PARP12: variants seen among roughly 807,000 people sequenced by gnomAD.
PARP12 encodes the protein poly(ADP-ribose) polymerase family member 12.
PARP12 carries 59 observed loss-of-function variants against 72.4 expected under a neutral mutation model. The observed-to-expected ratio is 0.81, with a 90% CI of 0.66 to 1.01. The LOEUF (loss-of-function observed/expected upper bound fraction) is 1.01, where lower values mean the gene tolerates loss of function less well. PARP12 is among the 50% of genes least tolerant of loss of function. The probability of loss-of-function intolerance (pLI) is 0.00; values close to 1 mark genes in which losing one functional copy is unlikely to be tolerated. For missense variants in PARP12, 851 were observed against 914.0 expected (o/e 0.93, Z 0.89); for synonymous variants, 403 against 371.4 (o/e 1.09, Z -0.98).
At chr7:140,046,181 C>G (rs1424857368) in intron 5 of PARP12, among the ~76,000 whole-genome samples, 1 of 152,210 alleles carries the variant, frequency 6.6e-6, no homozygotes, top group Non-Finnish European at 1.5e-5. Flanking sequence ...ATTTAATCCT[C>G]CTAACAGGAG....
intron 9 of PARP12, 136 bp downstream of exon 9, chr7:140,028,477 T>C: frequency 5.8e-6 from 4 of 694,840 alleles, no homozygotes; most frequent in Non-Finnish European, 6.7e-6. Flanking sequence ...AAAGCCCACA[T>C]CTGTCACTGC....
intron 1 of PARP12, among the ~76,000 whole-genome samples, chr7:140,060,576 G>A (rs897615948): frequency 2.0e-5 from 3 of 152,216 alleles, no homozygotes; most frequent in Admixed American, 1.3e-4. Flanking sequence ...ACAGATTTCC[G>A]AGACAAGTCA....
intron 7 of PARP12, 131 bp downstream of exon 7, chr7:140,037,584 C>T (rs1174574347): frequency 7.7e-7 from 1 of 1,297,826 alleles, no homozygotes; most frequent in South Asian, 1.4e-5. Flanking sequence ...TACCTTGGAC[C>T]TGGTACCTTG....
intron 3 of PARP12, among the ~76,000 whole-genome samples, 193 bp downstream of exon 3, chr7:140,056,663 A>G (rs573706928): frequency 6.6e-6 from 1 of 152,316 alleles, no homozygotes; most frequent in South Asian, 2.1e-4. Context: ...GATCAAGTCT[A>G]TGATTTCAAC....
At chr7:140,061,214 G>A (rs896222595) in intron 1 of PARP12, among the ~76,000 whole-genome samples, 3 of 152,224 alleles carry the variant, frequency 2.0e-5, no homozygotes, top group African/African-American at 4.8e-5. Context: ...GGATGTGGGT[G>A]AAAGGAAATC....
chr7:140,024,121 G>GTAGAT lies in PARP12; in HGVS notation c.*438_*439insATCTA. Reference sequence around the variant, plus strand: ...CAGAGCAACAGGCAGAAGTGACTGTGCCGCCCGTGGGCTGTCATCCACCGG... The same window carrying GTAGAT: ...CAGAGCAACAGGCAGAAGTGACTGTGTAGATCCGCCCGTGGGCTGTCATCCACCGG... On this transcript the variant is annotated 3_prime_UTR_variant, in exon 12 of 12. Transcript: ENST00000263549. 1 of 284,474 alleles carries GTAGAT rather than the reference G, an allele frequency of 3.5e-6. No individual in the cohort carries two copies. Among genetic ancestry groups the GTAGAT allele is most frequent in the South Asian group, 3.4e-5 (1 of 29,492 alleles). 17.6% of individuals were successfully genotyped at this position (284,474 alleles called of 1,614,324 possible).
In PARP12 at chr7:140,024,837, G is replaced by A. The variant is rs936391508; in HGVS notation, c.1829C>T (p.Ser610Phe). 1.9e-6 allele frequency: 3 copies of A among 1,614,104 alleles called. No homozygotes were observed. Among genetic ancestry groups the A allele is most frequent in the Non-Finnish European group, 2.5e-6 (3 of 1,179,944 alleles). ...GAACATCGTGTGGGTCTGCGTGTCG[G>A]ATTTGCTGTAGTGGTGGGAATATGC... Reference protein sequence around the residue: ...DAAYSHHYSKSDTQTHTMFLA... With the variant: ...DAAYSHHYSKFDTQTHTMFLA... Residue 610 changes from serine (S) to phenylalanine (F), a missense_variant, in exon 12 of 12, where the codon TCC (serine) becomes TTC (phenylalanine). Physicochemically the swap from Ser to Phe is radical, Grantham distance 155. This residue lies in a region of PARP12 where 347 missense variants were observed against 396.1 expected (regional missense o/e 0.88). Transcript: ENST00000263549.
At chr7:140,040,554 T>C (rs1462112450) in intron 6 of PARP12, among the ~76,000 whole-genome samples, 6 of 152,172 alleles carry the variant, frequency 3.9e-5, no homozygotes, top group Non-Finnish European at 2.9e-5. Context: ...CTATGCATCA[T>C]TCCACACACG....
At chr7:140,062,412 G>C (rs1181136564) in intron 1 of PARP12, 110 bp downstream of exon 1, 1 of 1,142,724 alleles carries the variant, frequency 8.8e-7, no homozygotes, top group African/African-American at 1.6e-5. Flanking sequence ...GGTCAGGGCA[G>C]AGCCACCGAA....
At chr7:140,030,044 A>G (rs1815881388) in intron 8 of PARP12, among the ~76,000 whole-genome samples, 1 of 152,264 alleles carries the variant, frequency 6.6e-6, no homozygotes, top group Non-Finnish European at 1.5e-5. Flanking sequence ...AATCTCAACC[A>G]TGATAAATAA....
Position 140,062,726 on chromosome 7 carries a change from C to A in PARP12, c.122G>T (p.Arg41Leu). ...GAAGCGCCCACGCTGCCGCAGCAGC[C>A]GCTCCAGCGCGTCGGCGCTCAAGCC... ...RMGLSADALE[R>L]LLRQRGRFVV... The change falls in exon 1 of 12, where the codon CGG (arginine) becomes CTG (leucine). Residue 41 changes from arginine to leucine, a missense_variant. Arg to Leu is a moderately radical substitution (Grantham distance 102, BLOSUM62 -2). Transcript: ENST00000263549. The A allele has an allele frequency of 7.4e-7, 1 of 1,355,560 alleles. No homozygotes were observed. The highest frequency in any genetic ancestry group is 1.6e-5 in the South Asian group (1 of 63,334). The allele number at this position is 1,355,560 out of a possible 1,614,324, so 84.0% of individuals were successfully genotyped here. A position where few individuals can be genotyped will look rare whatever the true frequency, so the allele number is the denominator to read the frequency against.
At chr7:140,041,993 A>G (rs1010535245) in intron 5 of PARP12, among the ~76,000 whole-genome samples, 154 bp from the exon 6 acceptor site, 3 of 152,216 alleles carry the variant, frequency 2.0e-5, no homozygotes, top group African/African-American at 7.2e-5. Flanking sequence ...CTGCTTTTTC[A>G]GATCAGTTTT....
At chr7:140,057,707 G>A (rs189010435) in intron 2 of PARP12, 192 bp downstream of exon 2, 11 of 691,806 alleles carry the variant, frequency 1.6e-5, no homozygotes, top group African/African-American at 1.4e-4. Context: ...TGATGTTTGT[G>A]GAACTGGGTT....
chr7:140,062,305 G>A (rs1399011385), intron 1 of PARP12, among the ~76,000 whole-genome samples: 1 of 151,792 alleles, frequency 6.6e-6, no homozygotes, highest in East Asian at 2.0e-4. Context: ...CTCCCCCCAG[G>A]CGTCTAGAGG....
chr7:140,025,903 G>A (rs537301540), intron 11 of PARP12, among the ~76,000 whole-genome samples: 60 of 152,338 alleles, frequency 3.9e-4, no homozygotes, highest in Non-Finnish European at 7.5e-4. Context: ...GGGCTGGGAA[G>A]GTATCCCCTC....
In PARP12 at chr7:140,024,872, G is replaced by A. The variant is rs1815673313; in HGVS notation, c.1794C>T (p.Ala598=). Residue 598 remains alanine (A), a synonymous_variant, in exon 12 of 12, where the codon GCC becomes GCT. Transcript: ENST00000263549. ...GTSYGKGSYF[A]RDAAYSHHYS... The stretch of plus-strand genomic sequence containing the variant: ...AGTGGTGGGAATATGCAGCATCTCG[G>A]GCAAAGTAGCTCCCTGAAATGACAC... The A allele has an allele frequency of 6.2e-7, 1 of 1,612,998 alleles. No homozygotes were observed. The highest frequency in any genetic ancestry group is 8.5e-7 in the Non-Finnish European group (1 of 1,179,116).
Position 140,054,952 on chromosome 7 carries a change from G to A in PARP12, c.761-189C>T, listed in dbSNP as rs552525393. ...TTTAGTGACAGGCTGGCAGCCTGAC[G>A]CCACATGGCTGCTTGCCAGATCCAG... On this transcript the variant is annotated intron_variant, in intron 3 of 11. Transcript: ENST00000263549. Among the ~76,000 whole-genome samples, 135 of 152,260 alleles carry A rather than the reference G, an allele frequency of 8.9e-4. 1 individual carries two copies. The South Asian group carries it at 0.026, about 29-fold the overall frequency.
chr7:140,037,648 G>C (rs554952802), intron 7 of PARP12, 67 bp downstream of exon 7: 4 of 1,587,802 alleles, frequency 2.5e-6, no homozygotes, highest in South Asian at 2.3e-5. Context: ...GGCTCCTCCA[G>C]GGTTAAGGTG....
chr7:140,035,253 G>A (rs1299270489), intron 7 of PARP12, among the ~76,000 whole-genome samples: 1 of 152,186 alleles, frequency 6.6e-6, no homozygotes, highest in African/African-American at 2.4e-5. Flanking sequence ...CCATGATCCA[G>A]ATGCAGCAAC....
Sources: gnomAD v4.1 joint callset for allele counts (sites outside exome capture counted in the v4.1 genomes callset) on GRCh38, gnomAD v4.1.1 for gene constraint, gnomAD v4.1.1 regional missense constraint, MANE v1.5 for transcripts, NCBI Gene and HGNC (gene_info 2026-07-23, HGNC 2026-07-21) for gene names.